The following UPK1B variants were observed in gnomAD, a reference collection of about 807,000 sequenced individuals.
UPK1B encodes uroplakin 1B, also known as uroplakin-1b.
Under a neutral mutation model 34.2 loss-of-function variants are expected in UPK1B, and 28 were observed. The ratio of observed to expected loss-of-function variants is 0.82; its 90% confidence interval spans 0.61 to 1.12. The LOEUF is 1.12. Ranked by LOEUF, UPK1B falls within the 50% of genes most tolerant of loss-of-function variation. The pLI is 0.00. For missense variants in UPK1B, 325 were observed against 320.9 expected (o/e 1.01, Z -0.10); for synonymous variants, 81 against 110.4 (o/e 0.73, Z 1.67).
chr3:119,191,571 A>G (rs2078044656), intron 5 of UPK1B, among the ~76,000 whole-genome samples: 1 of 152,100 alleles, frequency 6.6e-6, no homozygotes, highest in African/African-American at 2.4e-5. Flanking sequence ...CATAACTACC[A>G]ATCTGACCTA....
intron 1 of UPK1B, among the ~76,000 whole-genome samples, chr3:119,180,272 G>A (rs909542274): frequency 1.3e-5 from 2 of 152,140 alleles, no homozygotes; most frequent in African/African-American, 4.8e-5. Context: ...CGTTATGGAG[G>A]GTAATCTGCT....
In UPK1B at chr3:119,194,251, C is replaced by T. The variant is rs557080777; in HGVS notation, c.501C>T (p.Asp167=). Residue 167 remains aspartate (D), a synonymous_variant, in exon 6 of 8, where the codon GAC becomes GAT. Transcript: ENST00000264234. ...GCTGTGGCGTAAATGGTCCATCAGA[C>T]TGGCAAAAATACACATCTGCCTTCC... The part of the protein sequence containing the change: ...DNCCGVNGPS[D]WQKYTSAFRT... 2 of 1,614,026 alleles carry T rather than the reference C, an allele frequency of 1.2e-6. No homozygotes were observed. Among genetic ancestry groups the T allele is most frequent in the Non-Finnish European group, 8.5e-7 (1 of 1,179,918 alleles).
At chr3:119,178,271 A>G (rs976204677) in intron 1 of UPK1B, among the ~76,000 whole-genome samples, 4 of 152,248 alleles carry the variant, frequency 2.6e-5, no homozygotes, top group Non-Finnish European at 5.9e-5. Context: ...GTCTTTCAGA[A>G]GGGAACAGGA....
rs2078108318 is a variant in UPK1B, at chr3:119,204,196, G to C, written c.*229G>C. The C allele has an allele frequency of 2.1e-6, 1 of 485,052 alleles. No individual in the cohort carries two copies. The highest frequency in any genetic ancestry group is 1.9e-5 in the African/African-American group (1 of 52,180). The allele number at this position is 485,052 out of a possible 1,614,324, so 30.0% of individuals were successfully genotyped here. ...GCAACATTTATATAGACTGTTGAAA[G>C]GAGAATTTGAAAAATGCATAATAAC... On this transcript the variant is annotated 3_prime_UTR_variant, in exon 8 of 8. Coordinates refer to ENST00000264234, the MANE Select transcript of UPK1B (RefSeq NM_006952.4).
At chr3:119,194,829 C>T (rs2078059015) in intron 6 of UPK1B, among the ~76,000 whole-genome samples, 1 of 152,208 alleles carries the variant, frequency 6.6e-6, no homozygotes, top group African/African-American at 2.4e-5. Flanking sequence ...ATCCACATTC[C>T]TTATTCAATG....
At chr3:119,179,370 T>TAGAGAG in intron 1 of UPK1B, among the ~76,000 whole-genome samples, 1 of 65,574 alleles carries the variant, frequency 1.5e-5, no homozygotes, top group East Asian at 5.5e-4. Context: ...TATATATATA[T>TAGAGAG]ATATATATAT....
rs531750655 is a variant in UPK1B at position 119,175,428 on chromosome 3, T to C, written c.-29+1790T>C. 2.1e-3 allele frequency among the ~76,000 whole-genome samples: 326 copies of C among 152,234 alleles called. 1 individual carries two copies. The highest frequency in any genetic ancestry group is 9.1e-3 in the South Asian group (44 of 4,816). On this transcript the variant is annotated intron_variant, in intron 1 of 7. Transcript: ENST00000264234. ...CTCTGGAATTTGTGCCTGATAGCCATGCAGGCTGCCCACAAACTTGATGGG... is the reference window on the plus strand; with the variant it reads ...CTCTGGAATTTGTGCCTGATAGCCACGCAGGCTGCCCACAAACTTGATGGG...
At chr3:119,201,406 G>GC in intron 7 of UPK1B, among the ~76,000 whole-genome samples, 1 of 152,186 alleles carries the variant, frequency 6.6e-6, no homozygotes, top group Non-Finnish European at 1.5e-5. Flanking sequence ...CGAAGTAGGA[G>GC]CAAAGGCATG....
At chr3:119,189,780 A>G (rs1289513073) in intron 3 of UPK1B, among the ~76,000 whole-genome samples, 4 of 152,266 alleles carry the variant, frequency 2.6e-5, no homozygotes, top group Non-Finnish European at 4.4e-5. Flanking sequence ...CTAAATTTTC[A>G]GCAAATTGTA....
At chr3:119,194,198 G>T in intron 5 of UPK1B, 21 bp from the exon 6 acceptor site, 1 of 1,610,946 alleles carries the variant, frequency 6.2e-7, no homozygotes, top group Non-Finnish European at 8.5e-7. Flanking sequence ...AGAGAATTTT[G>T]TATCTCTCAT....
At chr3:119,194,085 T>G in intron 5 of UPK1B, 134 bp from the exon 6 acceptor site, 15 of 848,500 alleles carry the variant, frequency 1.8e-5, no homozygotes, top group Non-Finnish European at 2.6e-5. Flanking sequence ...TCAGCTGTCA[T>G]TTGGGGATTT....
chr3:119,204,213 CATA>C lies in UPK1B; in HGVS notation c.*251_*253del, dbSNP rs1055884543. 2.1e-5 allele frequency: 10 copies of C among 467,412 alleles called. No homozygotes were observed. Among genetic ancestry groups the C allele is most frequent in the African/African-American group, 7.7e-5 (4 of 51,852 alleles). 29.0% of individuals were successfully genotyped at this position (467,412 alleles called of 1,614,324 possible). A position where few individuals can be genotyped will look rare whatever the true frequency, so the allele number is the denominator to read the frequency against. On this transcript the variant is annotated 3_prime_UTR_variant, in exon 8 of 8. Transcript: ENST00000264234. Reference sequence around the variant, plus strand: ...TGTTGAAAGGAGAATTTGAAAAATGCATAATAACTACTTCCATCCCTGCTTATT... The same window carrying C: ...TGTTGAAAGGAGAATTTGAAAAATGCATAACTACTTCCATCCCTGCTTATT...
chr3:119,175,573 C>T (rs954590794), intron 1 of UPK1B, among the ~76,000 whole-genome samples: 90 of 139,110 alleles, frequency 6.5e-4, no homozygotes, highest in Non-Finnish European at 1.2e-3. Context: ...AGTACTCCTG[C>T]CCTGGAGCTG....
intron 1 of UPK1B, among the ~76,000 whole-genome samples, chr3:119,176,610 T>C (rs2096907687): frequency 6.6e-6 from 1 of 152,180 alleles, no homozygotes. Context: ...GCTATTCCTT[T>C]ACATGGAAAA....
intron 6 of UPK1B, among the ~76,000 whole-genome samples, chr3:119,196,478 A>G (rs1238033862): frequency 1.3e-5 from 2 of 151,786 alleles, no homozygotes; most frequent in Non-Finnish European, 2.9e-5. Flanking sequence ...CAAAGCAAGC[A>G]CCGACGTTTG....
chr3:119,205,121 A>C lies in UPK1B; in HGVS notation c.*1154A>C, dbSNP rs1275157416. 1 of 152,238 alleles carries C rather than the reference A, an allele frequency of 6.6e-6. No homozygotes were observed. The highest frequency in any genetic ancestry group is 1.5e-5 in the Non-Finnish European group (1 of 68,030). 9.4% of individuals were successfully genotyped at this position (152,238 alleles called of 1,614,324 possible). ...AACTCAACATTTGTCTGGTCTTATA[A>C]GTAAAGACAGCTTTAAAATCTGTTC... On this transcript the variant is annotated 3_prime_UTR_variant, in exon 8 of 8. Transcript: ENST00000264234.
In UPK1B at chr3:119,177,804, G is replaced by A. The variant is rs113390491; in HGVS notation, c.-29+4166G>A. On this transcript the variant is annotated intron_variant, in intron 1 of 7. Transcript: ENST00000264234. ...TTGGGTGAAGAAAAGACGTAACAACGTACCAGACTATATTGCTGTGGCAGA... is the reference window on the plus strand; with the variant it reads ...TTGGGTGAAGAAAAGACGTAACAACATACCAGACTATATTGCTGTGGCAGA... 4.3e-3 allele frequency among the ~76,000 whole-genome samples: 653 copies of A among 152,256 alleles called. 3 individuals are homozygous for A. Among genetic ancestry groups the A allele is most frequent in the African/African-American group, 0.015 (604 of 41,548 alleles).
In UPK1B at chr3:119,190,396, T is replaced by C. The variant is rs1159379314; in HGVS notation, c.345+77T>C. 10 of 1,119,498 alleles carry C rather than the reference T, an allele frequency of 8.9e-6. No individual in the cohort carries two copies. The South Asian group carries it at 1.3e-4, about 15-fold the overall frequency. The allele number at this position is 1,119,498 out of a possible 1,614,324, so 69.3% of individuals were successfully genotyped here. On this transcript the variant is annotated intron_variant, in intron 4 of 7. Transcript: ENST00000264234. ...ACCAACATGTATTAACCCCTTACTA[T>C]GTGCCCAGGCAATCCAATATGCACA...
At chr3:119,179,527 T>TTTTTTTTTA (rs1553741698) in intron 1 of UPK1B, among the ~76,000 whole-genome samples, 5 of 131,592 alleles carry the variant, frequency 3.8e-5, no homozygotes, top group Admixed American at 1.5e-4. Context: ...TTTTTTTTTT[T>TTTTTTTTTA]GAGACGGAGT....
Sources: allele counts gnomAD v4.1 joint callset (sites outside exome capture counted in the v4.1 genomes callset), GRCh38; gene constraint gnomAD v4.1.1; transcripts MANE v1.5; gene names NCBI Gene and HGNC (gene_info 2026-07-23, HGNC 2026-07-21).